The following XK variants were observed in gnomAD, a reference collection of about 807,000 sequenced individuals.
XK encodes the protein X-linked Kx blood group antigen, Kell and VPS13A binding protein, also known as endoplasmic reticulum membrane adapter protein XK.
A neutral mutation model predicts 14.0 loss-of-function variants in XK; 2 were observed. The ratio of observed to expected loss-of-function variants is 0.14; its 90% CI spans 0.06 to 0.45. The LOEUF (loss-of-function observed/expected upper bound fraction) is 0.45. Among genes scored for constraint, XK ranks in the 20% least tolerant of loss-of-function variants. The pLI, the probability that XK is intolerant of heterozygous loss-of-function variation, is 0.98. For missense variants in XK, 235 were observed against 341.5 expected, an observed-to-expected ratio of 0.69 and a Z score of 2.46; for synonymous variants, 149 against 147.5, an observed-to-expected ratio of 1.01 and a Z score of -0.08.
chrX:37,720,846 A>G lies in XK; in HGVS notation c.509-6790A>G, dbSNP rs150360347. Among the ~76,000 whole-genome samples, 123 of 111,286 alleles carry G rather than the reference A, an allele frequency of 1.1e-3. 1 individual carries two copies. Among genetic ancestry groups the G allele is most frequent in the East Asian group, 0.011 (39 of 3,537 alleles). ...TTCCGTCCATGTTACTGCAAAAGAC[A>G]TTTCATTCTCTTTTTATGACTGAGT... is the stretch of plus-strand genomic sequence containing the variant. On this transcript the variant is annotated intron_variant, in intron 2 of 2. Transcript: ENST00000378616.
chrX:37,694,731 T>C (rs1556442253), intron 2 of XK, among the ~76,000 whole-genome samples, 183 bp downstream of exon 2: 2 of 112,347 alleles, frequency 1.8e-5, no homozygotes, highest in East Asian at 5.5e-4. Context: ...CTCTGCATTC[T>C]AGGCAGGGCT....
At chrX:37,705,365 T>C (rs1352485277) in intron 2 of XK, among the ~76,000 whole-genome samples, 1 of 108,123 alleles carries the variant, frequency 9.2e-6, no homozygotes, top group South Asian at 4.1e-4. Context: ...GGCAGGAGAA[T>C]GGCGTGAACC....
intron 2 of XK, 76 bp downstream of exon 2, chrX:37,694,624 A>G: frequency 8.7e-7 from 1 of 1,151,356 alleles, no homozygotes; most frequent in Non-Finnish European, 1.2e-6. Context: ...TTTTGTTTCA[A>G]AGGAAATTTG....
At chrX:37,708,181 CAGAGGGAGACTGTGGAAAGAGAGGG>C (rs1556445860) in intron 2 of XK, among the ~76,000 whole-genome samples, 2 of 111,712 alleles carry the variant, frequency 1.8e-5, no homozygotes, top group African/African-American at 6.5e-5. Context: ...GGCTCGGCAT[CAGAGGGAGACTGTGGAAAGAGAGGG>C]AGAGGGAGAC....
intron 2 of XK, among the ~76,000 whole-genome samples, chrX:37,707,123 G>T (rs1411571492): frequency 2.1e-4 from 24 of 112,615 alleles, no homozygotes; most frequent in Middle Eastern, 4.7e-3. Context: ...TGTCATCATG[G>T]CCCGTTCTCA....
At chrX:37,719,275 G>A (rs1927824795) in intron 2 of XK, among the ~76,000 whole-genome samples, 1 of 111,423 alleles carries the variant, frequency 9.0e-6, no homozygotes, top group Admixed American at 9.5e-5. Context: ...TTGGTGTTCA[G>A]CAATTTTAAC....
At chrX:37,708,102 A>G (rs1387006938) in intron 2 of XK, among the ~76,000 whole-genome samples, 1 of 112,333 alleles carries the variant, frequency 8.9e-6, no homozygotes, top group Non-Finnish European at 1.9e-5. Flanking sequence ...GGCACTCGGC[A>G]GGCTGAGGCA....
intron 2 of XK, among the ~76,000 whole-genome samples, chrX:37,717,573 A>G (rs1804239039): frequency 8.9e-6 from 1 of 111,956 alleles, no homozygotes; most frequent in African/African-American, 3.2e-5. Flanking sequence ...ATCGAAATAC[A>G]GCTGGGAGAA....
intron 1 of XK, among the ~76,000 whole-genome samples, chrX:37,693,240 G>A (rs1556441799): frequency 8.9e-6 from 1 of 111,977 alleles, no homozygotes; most frequent in African/African-American, 3.2e-5. Context: ...TCATAAGGTT[G>A]TTATAAAAGT....
intron 2 of XK, among the ~76,000 whole-genome samples, chrX:37,696,285 CT>C (rs1480699582): frequency 1.8e-5 from 2 of 112,582 alleles, no homozygotes; most frequent in African/African-American, 6.5e-5. Flanking sequence ...TATTTACTAA[CT>C]TTTTACAAAG....
intron 2 of XK, among the ~76,000 whole-genome samples, chrX:37,707,304 G>T (rs1264287474): frequency 9.1e-6 from 1 of 109,463 alleles, no homozygotes; most frequent in Non-Finnish European, 1.9e-5. Context: ...GGCCTGGCGG[G>T]GGCTGACCCC....
chrX:37,697,706 A>G (rs1927329723), intron 2 of XK, among the ~76,000 whole-genome samples: 1 of 112,047 alleles, frequency 8.9e-6, no homozygotes, highest in Admixed American at 9.4e-5. Context: ...CTTTGGGTGT[A>G]CAATTCAGTA....
At chrX:37,710,262 T>A (rs1033392050) in intron 2 of XK, among the ~76,000 whole-genome samples, 2 of 111,586 alleles carry the variant, frequency 1.8e-5, no homozygotes, top group East Asian at 5.6e-4. Context: ...AAGTCGAGGG[T>A]GTCAACAAAG....
intron 2 of XK, among the ~76,000 whole-genome samples, chrX:37,696,889 A>G (rs1927316657): frequency 8.9e-6 from 1 of 111,996 alleles, no homozygotes; most frequent in African/African-American, 3.2e-5. Flanking sequence ...AAGGAAGGGT[A>G]GATATATTTC....
intron 1 of XK, among the ~76,000 whole-genome samples, chrX:37,693,061 C>T (rs1927234280): frequency 9.0e-6 from 1 of 111,308 alleles, no homozygotes; most frequent in South Asian, 3.8e-4. Context: ...ACTTTGAGCT[C>T]ACCAGAAAGG....
At chrX:37,691,991 A>T (rs1927212188) in intron 1 of XK, among the ~76,000 whole-genome samples, 1 of 111,164 alleles carries the variant, frequency 9.0e-6, no homozygotes, top group Non-Finnish European at 1.9e-5. Flanking sequence ...ACTGTCTTTT[A>T]AAAAAAATTT....
Position 37,714,240 on chromosome X carries a change from G to T in XK, c.509-13396G>T, listed in dbSNP as rs527475130. Among the ~76,000 whole-genome samples, 6 of 111,638 alleles carry T rather than the reference G, an allele frequency of 5.4e-5. No homozygotes were observed. The South Asian group carries it at 2.3e-3, about 42-fold the overall frequency. The stretch of plus-strand genomic sequence containing the variant: ...AAAGGTATTCCACCAGCCTCTGCTT[G>T]ATTATATTCAGCAGTGGAGCTGTCA... On this transcript the variant is annotated intron_variant, in intron 2 of 2. Coordinates refer to ENST00000378616, the MANE Select transcript of XK (RefSeq NM_021083.4).
At chrX:37,705,401 G>T (rs1927502246) in intron 2 of XK, among the ~76,000 whole-genome samples, 1 of 108,983 alleles carries the variant, frequency 9.2e-6, no homozygotes, top group Non-Finnish European at 1.9e-5. Context: ...GCAGTGAGCC[G>T]AGCTCGCGCC....
At chrX:37,706,435 C>T (rs1556445167) in intron 2 of XK, among the ~76,000 whole-genome samples, 2 of 110,283 alleles carry the variant, frequency 1.8e-5, no homozygotes, top group African/African-American at 3.3e-5. Flanking sequence ...GATAGGATTA[C>T]ATAGGTAATA....
Sources: allele counts gnomAD v4.1 joint callset (sites outside exome capture counted in the v4.1 genomes callset), GRCh38; gene constraint gnomAD v4.1.1; transcripts MANE v1.5; gene names NCBI Gene and HGNC (gene_info 2026-07-23, HGNC 2026-07-21).